Variants in PNRC2 observed in about 807,000 individuals in gnomAD.
PNRC2 encodes proline rich nuclear receptor coactivator 2, also known as proline-rich nuclear receptor coactivator 2.
PNRC2 carries 2 observed loss-of-function variants against 12.2 expected under a neutral mutation model. The observed-to-expected ratio is 0.16, with a 90% CI of 0.07 to 0.52. PNRC2 has a LOEUF of 0.52. Ranked by LOEUF, PNRC2 falls within the 20% of genes least tolerant of loss-of-function variation. The pLI, the probability that PNRC2 is intolerant of heterozygous loss-of-function variation, is 0.95. For synonymous variants in PNRC2, 44 were observed against 53.9 expected, an observed-to-expected ratio of 0.82 and a Z score of 0.80; for missense variants, 115 against 158.4, an observed-to-expected ratio of 0.73 and a Z score of 1.47.
chr1:23,959,797 C>A (rs1479267841), upstream of PNRC2: 1 of 152,314 alleles, frequency 6.6e-6, no homozygotes, highest in East Asian at 1.9e-4. Context: ...CCTCCCGGCC[C>A]TGCTTCTGCA....
chr1:23,962,546 A>G lies in PNRC2; in HGVS notation c.*669A>G, dbSNP rs1641301558. ...ACATTTTTGTATTACAGCACTGCAC[A>G]AGCTATTCTAATAGTGCTCTGGCCT... is the stretch of plus-strand genomic sequence containing the variant. On this transcript the variant is annotated 3_prime_UTR_variant, in exon 3 of 3. Coordinates refer to ENST00000334351, the MANE Select transcript of PNRC2 (RefSeq NM_017761.4). 1 of 167,080 alleles carries G rather than the reference A, an allele frequency of 6.0e-6. No individual in the cohort carries two copies. The highest frequency in any genetic ancestry group is 2.4e-5 in the African/African-American group (1 of 41,434). 10.3% of individuals were successfully genotyped at this position (167,080 alleles called of 1,614,324 possible). A position where few individuals can be genotyped will look rare whatever the true frequency, so the allele number is the denominator to read the frequency against.
At chr1:23,960,714 T>G (rs1203842916) in intron 1 of PNRC2, among the ~76,000 whole-genome samples, 1 of 152,220 alleles carries the variant, frequency 6.6e-6, no homozygotes, top group Non-Finnish European at 1.5e-5. Context: ...TTGGAGACAC[T>G]TACAAAAATT....
At chr1:23,960,682 A>C (rs1171019150) in intron 1 of PNRC2, among the ~76,000 whole-genome samples, 3 of 152,238 alleles carry the variant, frequency 2.0e-5, no homozygotes, top group Non-Finnish European at 4.4e-5. Context: ...GAAAAAGATA[A>C]AGATAAAACT....
chr1:23,960,780 T>TA, intron 1 of PNRC2, 149 bp from the exon 2 acceptor site: 1 of 383,516 alleles, frequency 2.6e-6, no homozygotes, highest in East Asian at 3.7e-5. Flanking sequence ...GTCGTGGTTA[T>TA]AAGGTCAAAG....
chr1:23,961,147 A>G lies in PNRC2; in HGVS notation c.-19+13A>G. On this transcript the variant is annotated intron_variant, in intron 2 of 2. Transcript: ENST00000334351. ...AGCAGACTGAAAGGTAATCATCATA[A>G]TGGGCAAACATTTTATGATGGAACC... The G allele has an allele frequency of 2.4e-6, 1 of 416,352 alleles. No individual in the cohort carries two copies. Among genetic ancestry groups the G allele is most frequent in the Non-Finnish European group, 4.3e-6 (1 of 235,202 alleles). The allele number at this position is 416,352 out of a possible 1,614,324, so 25.8% of individuals were successfully genotyped here.
chr1:23,961,332 C>T, intron 2 of PNRC2, 108 bp from the exon 3 acceptor site: 1 of 807,510 alleles, frequency 1.2e-6, no homozygotes, highest in Non-Finnish European at 1.9e-6. Flanking sequence ...GTTATTGAGT[C>T]TTGTCCAAAA....
In PNRC2 at chr1:23,961,935, A is replaced by G; in HGVS notation, c.*58A>G. 3.9e-6 allele frequency: 4 copies of G among 1,025,088 alleles called. No individual in the cohort carries two copies. The highest frequency in any genetic ancestry group is 4.9e-5 in the Admixed American group (2 of 40,630). 63.5% of individuals were successfully genotyped at this position (1,025,088 alleles called of 1,614,324 possible). A position where few individuals can be genotyped will look rare whatever the true frequency, so the allele number is the denominator to read the frequency against. The stretch of plus-strand genomic sequence containing the variant: ...ACGGATAGTTGTCAATTGGTCTGAA[A>G]CAAATTCGCTAGGGAATCTATTTGT... On this transcript the variant is annotated 3_prime_UTR_variant, in exon 3 of 3. Coordinates refer to ENST00000334351, the MANE Select transcript of PNRC2 (RefSeq NM_017761.4).
chr1:23,961,370 G>T, intron 2 of PNRC2, 70 bp from the exon 3 acceptor site: 3 of 1,114,296 alleles, frequency 2.7e-6, no homozygotes, highest in South Asian at 1.6e-5. Context: ...TGGAGCCATA[G>T]AAGCTTCTTA....
chr1:23,961,101 T>C lies in PNRC2; in HGVS notation c.-52T>C, dbSNP rs1007301812. On this transcript the variant is annotated 5_prime_UTR_variant, in exon 2 of 3. Coordinates refer to ENST00000334351, the MANE Select transcript of PNRC2 (RefSeq NM_017761.4). ...TGGCAGCAAGGAAGAGGACAGGTAG[T>C]GGAGATCCTGCAATCTGAAAAGCAG... 54 of 415,490 alleles carry C rather than the reference T, an allele frequency of 1.3e-4. No homozygotes were observed. The highest frequency in any genetic ancestry group is 9.4e-4 in the African/African-American group (46 of 48,828). 25.7% of individuals were successfully genotyped at this position (415,490 alleles called of 1,614,324 possible). A position where few individuals can be genotyped will look rare whatever the true frequency, so the allele number is the denominator to read the frequency against.
In PNRC2 at chr1:23,961,667, T is replaced by A; in HGVS notation, c.210T>A (p.Asn70Lys). Reference sequence around the variant, plus strand: ...GGGGGAAGAACAAAAATTTTCCAAATAATCAAAGTTGGAATTCTAGCTTAT... The same window carrying A: ...GGGGGAAGAACAAAAATTTTCCAAAAAATCAAAGTTGGAATTCTAGCTTAT... Reference protein sequence around the residue: ...QNGGKNKNFPNNQSWNSSLSG... With the variant: ...QNGGKNKNFPKNQSWNSSLSG... The change falls in exon 3 of 3, where the codon AAT (asparagine) becomes AAA (lysine). Residue 70 changes from asparagine to lysine, a missense_variant. Asn to Lys is a moderately conservative substitution (Grantham distance 94, BLOSUM62 0). Transcript: ENST00000334351. The A allele has an allele frequency of 1.9e-6, 3 of 1,613,938 alleles. No homozygotes were observed. Among genetic ancestry groups the A allele is most frequent in the Non-Finnish European group, 1.7e-6 (2 of 1,179,814 alleles).
Position 23,961,536 on chromosome 1 carries a change from C to CAGA in PNRC2, c.83_85dup (p.Lys28dup). The CAGA allele has an allele frequency of 1.2e-6, 2 of 1,613,350 alleles. No individual in the cohort carries two copies. Among genetic ancestry groups the CAGA allele is most frequent in the Non-Finnish European group, 1.7e-6 (2 of 1,179,460 alleles). On this transcript the variant is annotated inframe_insertion, in exon 3 of 3. Transcript: ENST00000334351. ...TAAGAACCAACAACAGCTTAACAGA[C>CAGA]AGAAGACCAAGGAACAGAATTCCCA...
intron 2 of PNRC2, 138 bp from the exon 3 acceptor site, chr1:23,961,302 T>TTA (rs1641272366): frequency 1.7e-6 from 1 of 600,960 alleles, no homozygotes; most frequent in Non-Finnish European, 2.8e-6. Flanking sequence ...TTTTTTGAGT[T>TTA]TAAAGCAGCT....
Position 23,961,669 on chromosome 1 carries a change from A to T in PNRC2, c.212A>T (p.Asn71Ile). Residue 71 changes from asparagine to isoleucine, a missense_variant, in exon 3 of 3, where the codon AAT becomes ATT. Around this residue, in one of 2 missense-constraint regions of PNRC2, gnomAD observed 98 missense variants for 112.4 expected, o/e 0.87. Coordinates refer to ENST00000334351, the MANE Select transcript of PNRC2 (RefSeq NM_017761.4). Reference protein sequence around the residue: ...NGGKNKNFPNNQSWNSSLSGP... With the variant: ...NGGKNKNFPNIQSWNSSLSGP... Reference sequence around the variant, plus strand: ...GGGAAGAACAAAAATTTTCCAAATAATCAAAGTTGGAATTCTAGCTTATCA... The same window carrying T: ...GGGAAGAACAAAAATTTTCCAAATATTCAAAGTTGGAATTCTAGCTTATCA... 1 of 1,613,942 alleles carries T rather than the reference A, an allele frequency of 6.2e-7. No individual in the cohort carries two copies. Among genetic ancestry groups the T allele is most frequent in the South Asian group, 1.1e-5 (1 of 91,076 alleles).
intron 2 of PNRC2, 78 bp from the exon 3 acceptor site, chr1:23,961,362 G>A (rs1470092338): frequency 4.9e-6 from 5 of 1,018,262 alleles, no homozygotes; most frequent in Non-Finnish European, 7.2e-6. Flanking sequence ...TTATAAGTTG[G>A]AGCCATAGAA....
chr1:23,962,404 A>AGT lies in PNRC2; in HGVS notation c.*528_*529dup, dbSNP rs1453907538. 1 of 167,598 alleles carries AGT rather than the reference A, an allele frequency of 6.0e-6. No homozygotes were observed. The highest frequency in any genetic ancestry group is 1.5e-5 in the Non-Finnish European group (1 of 68,592). The allele number at this position is 167,598 out of a possible 1,614,324, so 10.4% of individuals were successfully genotyped here. On this transcript the variant is annotated 3_prime_UTR_variant, in exon 3 of 3. Transcript: ENST00000334351. ...TTTGGAGCTCATTAGAATGAGACAT[A>AGT]GTACACCCCAATGGCCCTGTTTATT...
Position 23,961,744 on chromosome 1 carries a change from C to G in PNRC2, c.287C>G (p.Ala96Gly). Residue 96 changes from alanine (A) to glycine (G), a missense_variant, in exon 3 of 3, where the codon GCC (alanine) becomes GGC (glycine). Ala to Gly is a moderately conservative substitution (Grantham distance 60, BLOSUM62 0). Coordinates refer to ENST00000334351, the MANE Select transcript of PNRC2 (RefSeq NM_017761.4). ...CAAGCTAATCAGAACTATGCTGGTG[C>G]CAAATTTAGTGAGCCGCCATCACCA... ...KSQANQNYAG[A>G]KFSEPPSPSV... The G allele has an allele frequency of 1.2e-6, 2 of 1,613,986 alleles. No individual in the cohort carries two copies. The highest frequency in any genetic ancestry group is 1.7e-6 in the Non-Finnish European group (2 of 1,179,868).
chr1:23,959,448 C>T (rs1483843640), upstream of PNRC2, among the ~76,000 whole-genome samples: 3 of 152,198 alleles, frequency 2.0e-5, no homozygotes, highest in Admixed American at 6.5e-5. Flanking sequence ...ACTCAGTGGC[C>T]CTAATTCGAG....
Position 23,961,871 on chromosome 1 carries a change from G to A in PNRC2, c.414G>A (p.Gln138=). 1.3e-6 allele frequency: 2 copies of A among 1,521,818 alleles called. No homozygotes were observed. The highest frequency in any genetic ancestry group is 2.3e-5 in the South Asian group (2 of 85,544). 94.3% of individuals were successfully genotyped at this position (1,521,818 alleles called of 1,614,324 possible). ...TFQLKTLLKV[Q]V Reference sequence around the variant, plus strand: ...AACTTAAAACCTTACTTAAAGTACAGGTATAAAATAAGACAAATGTTTAAA... The same window carrying A: ...AACTTAAAACCTTACTTAAAGTACAAGTATAAAATAAGACAAATGTTTAAA... Residue 138 remains glutamine, a synonymous_variant, in exon 3 of 3, where the codon CAG becomes CAA. Transcript: ENST00000334351.
rs1396319058 is a variant in PNRC2, at chr1:23,961,238, T to C, written c.-19+104T>C. 6.5e-5 allele frequency: 30 copies of C among 458,674 alleles called. No individual in the cohort carries two copies. In the East Asian group the frequency reaches 8.6e-4, roughly 13 times the overall value. The allele number at this position is 458,674 out of a possible 1,614,324, so 28.4% of individuals were successfully genotyped here. A position where few individuals can be genotyped will look rare whatever the true frequency, so the allele number is the denominator to read the frequency against. On this transcript the variant is annotated intron_variant, in intron 2 of 2. Transcript: ENST00000334351. ...GATTTGTGGGTAAGCTCATTTTTCT[T>C]AGGGAAGGTATAACAATAAAGGTTG...
Sources: gnomAD v4.1 joint callset for allele counts (sites outside exome capture counted in the v4.1 genomes callset) on GRCh38, gnomAD v4.1.1 for gene constraint, gnomAD v4.1.1 regional missense constraint, MANE v1.5 for transcripts, NCBI Gene and HGNC (gene_info 2026-07-23, HGNC 2026-07-21) for gene names.